The following OXR1 variants were observed in gnomAD, a reference collection of about 807,000 sequenced individuals.
OXR1 encodes oxidation resistance 1.
OXR1 carries 41 observed loss-of-function variants against 104.6 expected under a neutral mutation model. That is an observed-to-expected ratio of 0.39 (90% CI 0.31 to 0.51). The LOEUF (loss-of-function observed/expected upper bound fraction) is 0.51, where lower values mean the gene tolerates loss of function less well. Ranked by LOEUF, OXR1 falls within the 20% of genes least tolerant of loss-of-function variation. The probability of loss-of-function intolerance (pLI) is 0.77; values close to 1 mark genes in which losing one functional copy is unlikely to be tolerated. For synonymous variants in OXR1, 348 were observed against 348.4 expected (o/e 1.00, Z 0.01); for missense variants, 955 against 1,031.9 (o/e 0.93, Z 1.02).
At chr8:106,606,855 T>C (rs1028749467) in intron 3 of OXR1, among the ~76,000 whole-genome samples, 2 of 152,150 alleles carry the variant, frequency 1.3e-5, no homozygotes, top group Non-Finnish European at 2.9e-5. Context: ...TTGGAGTACC[T>C]GCTACTAAAT....
intron 11 of OXR1, among the ~76,000 whole-genome samples, chr8:106,725,334 A>G (rs1833228247): frequency 6.6e-6 from 1 of 152,170 alleles, no homozygotes; most frequent in Non-Finnish European, 1.5e-5. Flanking sequence ...TCATGTGTGC[A>G]TACAACAAAG....
chr8:106,339,527 T>A (rs1366565165), intron 1 of OXR1, among the ~76,000 whole-genome samples: 664 of 24,236 alleles, frequency 0.027, 50 homozygotes, highest in African/African-American at 0.066. Context: ...AAAATATATA[T>A]ATATATATAT....
At chr8:106,332,904 C>T (rs1447104347) in intron 1 of OXR1, among the ~76,000 whole-genome samples, 2 of 152,014 alleles carry the variant, frequency 1.3e-5, no homozygotes, top group Non-Finnish European at 2.9e-5. Context: ...AATCTGTGCC[C>T]TTTTTTGTCT....
intron 2 of OXR1, among the ~76,000 whole-genome samples, chr8:106,504,931 C>A (rs16874795): frequency 0.057 from 8,685 of 152,178 alleles, 816 homozygotes; most frequent in African/African-American, 0.2. Flanking sequence ...AATTTACCAC[C>A]TGCAGAAGTA....
intron 2 of OXR1, among the ~76,000 whole-genome samples, chr8:106,407,800 A>G (rs576806263): frequency 6.6e-6 from 1 of 152,254 alleles, no homozygotes; most frequent in Non-Finnish European, 1.5e-5. Context: ...TTTCAATTAC[A>G]TTTCCTCATG....
chr8:106,666,476 G>C (rs1016935997), intron 3 of OXR1, among the ~76,000 whole-genome samples: 1 of 152,154 alleles, frequency 6.6e-6, no homozygotes, highest in African/African-American at 2.4e-5. Flanking sequence ...ACTTCCTAAA[G>C]CACAATAAGA....
chr8:106,393,764 A>G (rs977494125), intron 2 of OXR1, among the ~76,000 whole-genome samples: 1 of 152,030 alleles, frequency 6.6e-6, no homozygotes, highest in Non-Finnish European at 1.5e-5. Context: ...TTTTATGTAC[A>G]TATTATAAAT....
At chr8:106,721,094 A>C (rs1832785120) in intron 11 of OXR1, among the ~76,000 whole-genome samples, 1 of 152,008 alleles carries the variant, frequency 6.6e-6, no homozygotes, top group Non-Finnish European at 1.5e-5. Flanking sequence ...CTGAAAGTCA[A>C]GGATTCATTG....
intron 3 of OXR1, among the ~76,000 whole-genome samples, chr8:106,674,417 G>C (rs1248355486): frequency 6.6e-6 from 1 of 152,172 alleles, no homozygotes; most frequent in East Asian, 1.9e-4. Flanking sequence ...TACCCACATT[G>C]TGTCTTGGAA....
At chr8:106,683,045 AAC>A (rs1388084571) in intron 4 of OXR1, among the ~76,000 whole-genome samples, 152 bp from the exon 5 acceptor site, 10 of 152,350 alleles carry the variant, frequency 6.6e-5, no homozygotes, top group Non-Finnish European at 1.2e-4. Flanking sequence ...TTGCTAACAA[AAC>A]ACAGTGTTTC....
chr8:106,566,275 C>A (rs543052301), intron 3 of OXR1, among the ~76,000 whole-genome samples: 2 of 151,442 alleles, frequency 1.3e-5, no homozygotes, highest in South Asian at 4.2e-4. Flanking sequence ...AAGAAAGTTA[C>A]AAGAAAAAAA....
chr8:106,405,728 C>T (rs1818211882), intron 2 of OXR1, among the ~76,000 whole-genome samples: 1 of 152,072 alleles, frequency 6.6e-6, no homozygotes, highest in Non-Finnish European at 1.5e-5. Flanking sequence ...CAAAGATCAA[C>T]AAAACCAACT....
chr8:106,581,908 C>T (rs1358515855), intron 3 of OXR1, among the ~76,000 whole-genome samples: 1 of 150,550 alleles, frequency 6.6e-6, no homozygotes, highest in Non-Finnish European at 1.5e-5. Context: ...CTTGTAATCC[C>T]AGCTACTAGG....
At chr8:106,496,758 G>A (rs1414290161) in intron 2 of OXR1, among the ~76,000 whole-genome samples, 1 of 152,204 alleles carries the variant, frequency 6.6e-6, no homozygotes, top group Non-Finnish European at 1.5e-5. Context: ...AAGATGGTCT[G>A]CTAATATCCC....
intron 6 of OXR1, among the ~76,000 whole-genome samples, chr8:106,686,051 C>G (rs1828683549): frequency 6.6e-6 from 1 of 152,136 alleles, no homozygotes; most frequent in African/African-American, 2.4e-5. Context: ...CGCACGTACT[C>G]ACCCATAAGT....
Position 106,743,809 on chromosome 8 carries a change from T to C in OXR1, c.2412+1492T>C, listed in dbSNP as rs139670799. Reference sequence around the variant, plus strand: ...AAAGATACATGCACACAAATGTTCATTGTAGCACTATTCACAATAGCAAAG... The same window carrying C: ...AAAGATACATGCACACAAATGTTCACTGTAGCACTATTCACAATAGCAAAG... On this transcript the variant is annotated intron_variant, in intron 15 of 16. Coordinates refer to ENST00000517566, the MANE Select transcript of OXR1 (RefSeq NM_001198533.2). Among the ~76,000 whole-genome samples the C allele has an allele frequency of 9.3e-3, 1,423 of 152,302 alleles. 25 individuals carry two copies. Among genetic ancestry groups the C allele is most frequent in the African/African-American group, 0.032 (1,328 of 41,560 alleles).
At chr8:106,397,632 TTTC>T (rs1455441388) in intron 2 of OXR1, among the ~76,000 whole-genome samples, 3 of 152,074 alleles carry the variant, frequency 2.0e-5, no homozygotes, top group Non-Finnish European at 4.4e-5. Context: ...AATCTACAGA[TTTC>T]TTTTTTCTGC....
intron 3 of OXR1, among the ~76,000 whole-genome samples, chr8:106,584,145 AG>A (rs1396454311): frequency 2.0e-5 from 3 of 152,122 alleles, no homozygotes; most frequent in African/African-American, 7.2e-5. Flanking sequence ...AGGAAGTTAA[AG>A]GTATAATTGC....
At chr8:106,749,204 G>A (rs527996745) in intron 16 of OXR1, among the ~76,000 whole-genome samples, 29 of 151,930 alleles carry the variant, frequency 1.9e-4, no homozygotes, top group Non-Finnish European at 2.6e-4. Context: ...TTAGCCGGGC[G>A]TGGTGGCAGG....
Sources: gnomAD v4.1 joint callset for allele counts (sites outside exome capture counted in the v4.1 genomes callset) on GRCh38, gnomAD v4.1.1 for gene constraint, MANE v1.5 for transcripts, NCBI Gene and HGNC (gene_info 2026-07-23, HGNC 2026-07-21) for gene names.